KCNH1: variants seen among roughly 807,000 people sequenced by gnomAD.
KCNH1 encodes voltage-gated delayed rectifier potassium channel KCNH1.
Under a neutral mutation model 69.2 loss-of-function variants are expected in KCNH1, and 27 were observed. That is an observed-to-expected ratio of 0.39 (90% confidence interval 0.29 to 0.54). The LOEUF (loss-of-function observed/expected upper bound fraction) is 0.54, where lower values mean the gene tolerates loss of function less well. Among genes scored for constraint, KCNH1 ranks in the 20% least tolerant of loss-of-function variants. KCNH1 has a pLI of 0.68. For synonymous variants in KCNH1, 456 were observed against 487.7 expected (o/e 0.93, Z 0.86); for missense variants, 798 against 1,261.6 (o/e 0.63, Z 5.57).
intron 7 of KCNH1, among the ~76,000 whole-genome samples, chr1:210,807,702 T>A (rs1684613683): frequency 6.6e-6 from 1 of 152,162 alleles, no homozygotes; most frequent in Admixed American, 6.5e-5. Context: ...AGATTGTCTT[T>A]TTTAACTCAT....
intron 1 of KCNH1, among the ~76,000 whole-genome samples, chr1:211,118,478 C>T (rs947726228): frequency 4.6e-5 from 7 of 152,318 alleles, no homozygotes; most frequent in East Asian, 1.9e-4. Flanking sequence ...ATTCTACTGC[C>T]GCCTTCTGAT....
At chr1:211,084,209 T>G (rs1690911868) in intron 4 of KCNH1, among the ~76,000 whole-genome samples, 1 of 140,968 alleles carries the variant, frequency 7.1e-6, no homozygotes, top group Non-Finnish European at 1.5e-5. Flanking sequence ...TCAATGAATG[T>G]GCTATGGGAA....
chr1:211,091,699 G>A (rs1691055677), intron 3 of KCNH1, among the ~76,000 whole-genome samples: 1 of 152,108 alleles, frequency 6.6e-6, no homozygotes, highest in East Asian at 1.9e-4. Flanking sequence ...TAGAGTGGAG[G>A]AAAAACGAGT....
chr1:210,854,661 A>C (rs1471479543), intron 7 of KCNH1, among the ~76,000 whole-genome samples: 1 of 152,232 alleles, frequency 6.6e-6, no homozygotes, highest in Admixed American at 6.5e-5. Flanking sequence ...AGGTGTGGGC[A>C]TTGTGGCCAT....
intron 4 of KCNH1, among the ~76,000 whole-genome samples, chr1:211,088,677 G>A (rs910668972): frequency 6.6e-5 from 10 of 152,186 alleles, no homozygotes; most frequent in Non-Finnish European, 1.2e-4. Flanking sequence ...TTCCTACATC[G>A]AGGACTAACG....
chr1:210,723,913 C>CT (rs1682531536), intron 10 of KCNH1, among the ~76,000 whole-genome samples: 1 of 152,156 alleles, frequency 6.6e-6, no homozygotes. Flanking sequence ...ATGAGCACTC[C>CT]TTATCATGGG....
In KCNH1 at chr1:210,951,324, G is replaced by A. The variant is rs1187745707; in HGVS notation, c.1033-31255C>T. ...AACATAAAGAGGAAACTACAGATAGGGTTTGTAAAGCATAAGATCCAGAGG... is the reference window on the plus strand; with the variant it reads ...AACATAAAGAGGAAACTACAGATAGAGTTTGTAAAGCATAAGATCCAGAGG... On this transcript the variant is annotated intron_variant, in intron 6 of 10. Transcript: ENST00000271751. 2.0e-5 allele frequency among the ~76,000 whole-genome samples: 3 copies of A among 152,258 alleles called. No homozygotes were observed. The East Asian group carries it at 5.8e-4, about 29-fold the overall frequency.
chr1:211,084,608 C>A (rs996068627), intron 4 of KCNH1, among the ~76,000 whole-genome samples: 4 of 152,194 alleles, frequency 2.6e-5, no homozygotes, highest in Admixed American at 1.3e-4. Context: ...AGAGTGGGTT[C>A]TCAGCTGGCT....
intron 7 of KCNH1, among the ~76,000 whole-genome samples, chr1:210,898,348 T>C (rs968439094): frequency 6.6e-6 from 1 of 152,176 alleles, no homozygotes; most frequent in Non-Finnish European, 1.5e-5. Flanking sequence ...CAATAAATAT[T>C]TATAAACCTC....
chr1:211,094,874 A>C (rs1203889176), intron 3 of KCNH1, among the ~76,000 whole-genome samples: 1 of 152,190 alleles, frequency 6.6e-6, no homozygotes, highest in East Asian at 1.9e-4. Flanking sequence ...TTTTCCACTT[A>C]AGAGCAAAGG....
chr1:210,924,811 C>A (rs1455760630), intron 6 of KCNH1, among the ~76,000 whole-genome samples: 1 of 151,922 alleles, frequency 6.6e-6, no homozygotes, highest in Non-Finnish European at 1.5e-5. Flanking sequence ...CAGGCAGCCC[C>A]AACCCCCAGA....
In KCNH1 at chr1:210,682,350, C is replaced by G. The variant is rs1681289276; in HGVS notation, c.*931G>C. 1.3e-5 allele frequency: 2 copies of G among 152,198 alleles called. No individual in the cohort carries two copies. Among genetic ancestry groups the G allele is most frequent in the Non-Finnish European group, 2.9e-5 (2 of 68,068 alleles). 9.4% of individuals were successfully genotyped at this position (152,198 alleles called of 1,614,324 possible). A position where few individuals can be genotyped will look rare whatever the true frequency, so the allele number is the denominator to read the frequency against. On this transcript the variant is annotated 3_prime_UTR_variant, in exon 11 of 11. Coordinates refer to ENST00000271751, the MANE Select transcript of KCNH1 (RefSeq NM_172362.3). ...GAGGTTGTGTGTGTCTGTGTGTCTGCTTTGTTAATAAAGCAACTCTGGGCT... is the reference window on the plus strand; with the variant it reads ...GAGGTTGTGTGTGTCTGTGTGTCTGGTTTGTTAATAAAGCAACTCTGGGCT...
At chr1:210,969,465 A>G (rs953057573) in intron 6 of KCNH1, among the ~76,000 whole-genome samples, 2 of 152,130 alleles carry the variant, frequency 1.3e-5, no homozygotes, top group Non-Finnish European at 2.9e-5. Flanking sequence ...TTCAATTATT[A>G]ACAATTATAG....
At chr1:210,806,806 C>CTAAAAAAAAAA (rs1558477653) in intron 7 of KCNH1, among the ~76,000 whole-genome samples, 1 of 86,270 alleles carries the variant, frequency 1.2e-5, no homozygotes, top group Admixed American at 1.3e-4. Flanking sequence ...CCCATCTCTA[C>CTAAAAAAAAAA]CAAAAAAAAA....
At chr1:210,891,480 G>A (rs1187916668) in intron 7 of KCNH1, among the ~76,000 whole-genome samples, 1 of 151,650 alleles carries the variant, frequency 6.6e-6, no homozygotes, top group Non-Finnish European at 1.5e-5. Flanking sequence ...CATGGCACAT[G>A]TATACATATG....
intron 10 of KCNH1, among the ~76,000 whole-genome samples, chr1:210,731,823 A>G (rs1233078582): frequency 1.3e-5 from 2 of 152,170 alleles, no homozygotes; most frequent in Admixed American, 6.5e-5. Context: ...GAGAATCAAC[A>G]TATGAAGTTT....
chr1:211,127,319 C>T (rs1474352325), intron 1 of KCNH1, among the ~76,000 whole-genome samples: 1 of 151,894 alleles, frequency 6.6e-6, no homozygotes, highest in Non-Finnish European at 1.5e-5. Flanking sequence ...AAATCATTCA[C>T]TTCCTAGTTC....
At chr1:211,097,615 T>C (rs1203949485) in intron 3 of KCNH1, among the ~76,000 whole-genome samples, 1 of 152,274 alleles carries the variant, frequency 6.6e-6, no homozygotes, top group Non-Finnish European at 1.5e-5. Context: ...CTGTTAGATT[T>C]GGCTCTACAA....
chr1:210,925,400 G>GCTAGAGGCTC lies in KCNH1; in HGVS notation c.1033-5332_1033-5331insGAGCCTCTAG, dbSNP rs369303677. The stretch of plus-strand genomic sequence containing the variant: ...GACCCTTTGAAGGAACTTGATCACT[G>GCTAGAGGCTC]CTACAGGCTCCTTGATATGCCAAAA... On this transcript the variant is annotated intron_variant, in intron 6 of 10. Transcript: ENST00000271751. 1.5e-3 allele frequency among the ~76,000 whole-genome samples: 224 copies of GCTAGAGGCTC among 152,336 alleles called. 1 individual carries two copies. The highest frequency in any genetic ancestry group is 3.9e-3 in the African/African-American group (163 of 41,568).
Sources: gnomAD v4.1 joint callset for allele counts (sites outside exome capture counted in the v4.1 genomes callset) on GRCh38, gnomAD v4.1.1 for gene constraint, MANE v1.5 for transcripts, NCBI Gene and HGNC (gene_info 2026-07-23, HGNC 2026-07-21) for gene names.